Variants in GC observed in about 807,000 individuals in gnomAD.
GC encodes the protein vitamin D-binding protein.
GC carries 43 observed loss-of-function variants against 56.7 expected under a neutral mutation model. The observed-to-expected ratio is 0.76, with a 90% CI of 0.59 to 0.98. The LOEUF is 0.98. Ranked by LOEUF, GC falls within the 50% of genes least tolerant of loss-of-function variation. The pLI, the probability that GC is intolerant of heterozygous loss-of-function variation, is 0.00. For synonymous variants in GC, 216 were observed against 202.7 expected (o/e 1.07, Z -0.56); for missense variants, 529 against 545.9 (o/e 0.97, Z 0.31).
intron 12 of GC, among the ~76,000 whole-genome samples, chr4:71,744,122 G>T (rs73827381): frequency 0.1 from 15,161 of 151,850 alleles, 1,936 homozygotes; most frequent in African/African-American, 0.3. Flanking sequence ...GACAAACCAA[G>T]TTTATCTCTT....
chr4:71,756,964 A>T, intron 7 of GC, 50 bp from the exon 8 acceptor site: 1 of 1,250,344 alleles, frequency 8.0e-7, no homozygotes, highest in African/African-American at 1.5e-5. Context: ...TGATAGTCTA[A>T]TTAAAAATAA....
chr4:71,757,029 ACT>A (rs1741801347), intron 7 of GC, 115 bp from the exon 8 acceptor site: 5 of 683,212 alleles, frequency 7.3e-6, no homozygotes, highest in Admixed American at 5.3e-5. Flanking sequence ...CAGTATGAAG[ACT>A]CTCAGAAAGA....
chr4:71,746,788 A>C (rs1315043553), intron 11 of GC, among the ~76,000 whole-genome samples: 2 of 151,414 alleles, frequency 1.3e-5, no homozygotes, highest in Non-Finnish European at 2.9e-5. Flanking sequence ...AAAAAAAAAA[A>C]AAAAAAACTA....
Position 71,756,801 on chromosome 4 carries a change from C to T in GC, c.945G>A (p.Met315Ile), listed in dbSNP as rs777298761. The T allele has an allele frequency of 6.2e-7, 1 of 1,613,614 alleles. No individual in the cohort carries two copies. Among genetic ancestry groups the T allele is most frequent in the Non-Finnish European group, 8.5e-7 (1 of 1,179,580 alleles). Residue 315 changes from methionine to isoleucine, a missense_variant, in exon 8 of 13, where the codon ATG becomes ATA. Coordinates refer to ENST00000273951, the MANE Select transcript of GC (RefSeq NM_000583.4). ...GAAGCTCGGGGAGTTGGGCAGCTGG[C>T]ATGAAGTAAGTGCACACAAAAACGT... is the stretch of plus-strand genomic sequence containing the variant. ...AMDVFVCTYF[M>I]PAAQLPELPD...
rs369864745 is a variant in GC, at chr4:71,763,822, A to T, written c.588T>A (p.Thr196=). Residue 196 remains threonine (T), a synonymous_variant, in exon 5 of 13, where the codon ACT becomes ACA. Transcript: ENST00000273951. ...GACATACCTCTTTCAAAAAGCATAC[A>T]GTTGGGCTTGCAGAGGTACAGCAGG... ...VGSCCTSASP[T]VCFLKERLQL... 6.8e-6 allele frequency: 11 copies of T among 1,613,198 alleles called. No homozygotes were observed. Among genetic ancestry groups the T allele is most frequent in the African/African-American group, 2.7e-5 (2 of 74,910 alleles).
In GC at chr4:71,749,756, G is replaced by A. The variant is rs548440938; in HGVS notation, c.1395+2762C>T. Among the ~76,000 whole-genome samples, 3 of 152,246 alleles carry A rather than the reference G, an allele frequency of 2.0e-5. No homozygotes were observed. In the East Asian group the frequency reaches 5.8e-4, roughly 29 times the overall value. On this transcript the variant is annotated intron_variant, in intron 11 of 12. Coordinates refer to ENST00000273951, the MANE Select transcript of GC (RefSeq NM_000583.4). ...ATCCAGCTTCTTCTGTTTTTATGTT[G>A]AGAATCTTAAGTAGTTTGAATTTTA...
chr4:71,780,713 A>G (rs1311527791), intron 1 of GC, among the ~76,000 whole-genome samples: 3 of 152,166 alleles, frequency 2.0e-5, no homozygotes, highest in Admixed American at 6.6e-5. Flanking sequence ...TAGAATGGCA[A>G]TCATTAAAAA....
Position 71,765,541 on chromosome 4 carries a change from A to G in GC, c.364T>C (p.Cys122Arg). The G allele has an allele frequency of 1.2e-6, 2 of 1,613,858 alleles. No individual in the cohort carries two copies. The highest frequency in any genetic ancestry group is 1.1e-5 in the South Asian group (1 of 91,062). ...CTKEGLERKLCMAALKHQPQE... is the reference protein window; with the variant it reads ...CTKEGLERKLRMAALKHQPQE... ...GGCTGGTGTTTCAGAGCAGCCATGC[A>G]GAGCTTTCGTTCCAGGCCCTCTTTG... The change falls in exon 4 of 13, where the codon TGC becomes CGC. Residue 122 changes from cysteine (C) to arginine (R), a missense_variant. By Grantham distance (180) the Cys-to-Arg change is radical. Transcript: ENST00000273951.
At chr4:71,775,296 C>G (rs1389257069) in intron 1 of GC, among the ~76,000 whole-genome samples, 1 of 151,866 alleles carries the variant, frequency 6.6e-6, no homozygotes, top group Non-Finnish European at 1.5e-5. Flanking sequence ...ATGCCTGGCA[C>G]AATTCTGGAC....
intron 1 of GC, among the ~76,000 whole-genome samples, chr4:71,799,764 C>T (rs571305825): frequency 6.6e-6 from 1 of 152,102 alleles, no homozygotes; most frequent in Admixed American, 6.5e-5. Context: ...TCATTTACAA[C>T]AAAAAAGCAG....
At chr4:71,756,982 A>G in intron 7 of GC, 68 bp from the exon 8 acceptor site, 1 of 1,048,916 alleles carries the variant, frequency 9.5e-7, no homozygotes, top group Non-Finnish European at 1.5e-6. Context: ...TAAGAATTAC[A>G]TAGGCTTACA....
rs543431801 is a variant in GC, at chr4:71,760,625, A to C, written c.702-2454T>G. On this transcript the variant is annotated intron_variant, in intron 6 of 12. Transcript: ENST00000273951. The stretch of plus-strand genomic sequence containing the variant: ...AATATAAGGTTGATATGGTTTGGCT[A>C]TGTCCCCACACAAATCTCATCTTCA... 1.7e-4 allele frequency among the ~76,000 whole-genome samples: 26 copies of C among 152,346 alleles called. No homozygotes were observed. In the South Asian group the frequency reaches 5.2e-3, roughly 30 times the overall value.
chr4:71,755,405 C>T (rs1284859227), intron 8 of GC, among the ~76,000 whole-genome samples: 2 of 151,936 alleles, frequency 1.3e-5, no homozygotes, highest in African/African-American at 2.4e-5. Flanking sequence ...TCAAGTGATT[C>T]GCCTGACTCG....
intron 1 of GC, among the ~76,000 whole-genome samples, chr4:71,782,046 A>G (rs866354213): frequency 2.6e-5 from 4 of 151,776 alleles, no homozygotes; most frequent in Admixed American, 6.6e-5. Flanking sequence ...AAAGGCATGA[A>G]TTGTGAAACC....
At chr4:71,804,715 A>T (rs2365085), upstream of GC, among the ~76,000 whole-genome samples, 146,314 of 151,690 alleles carry the variant, frequency 0.96, 70,713 homozygotes, top group East Asian at 1. Flanking sequence ...GTCGAAAGTA[A>T]TGGGTTCATA....
chr4:71,787,558 G>C (rs532803240), upstream of GC, among the ~76,000 whole-genome samples: 1 of 151,960 alleles, frequency 6.6e-6, no homozygotes, highest in South Asian at 2.1e-4. Flanking sequence ...GACCTTCTTA[G>C]TCTAGCTGGG....
At chr4:71,794,363 A>G (rs1005897300) in intron 1 of GC, among the ~76,000 whole-genome samples, 1 of 152,074 alleles carries the variant, frequency 6.6e-6, no homozygotes, top group Non-Finnish European at 1.5e-5. Flanking sequence ...AGAGATTCAA[A>G]TTCTTCCTGG....
At chr4:71,780,541 A>AC (rs1381400904) in intron 1 of GC, among the ~76,000 whole-genome samples, 1 of 152,104 alleles carries the variant, frequency 6.6e-6, no homozygotes, top group African/African-American at 2.4e-5. Context: ...TTATAAGAAA[A>AC]AAACAAACAA....
At chr4:71,764,069 C>T (rs958952937) in intron 4 of GC, 133 bp from the exon 5 acceptor site, 17 of 651,172 alleles carry the variant, frequency 2.6e-5, no homozygotes, top group Admixed American at 1.0e-4. Flanking sequence ...GCAGTCTCAA[C>T]CTCCTGGCCT....
Sources: gnomAD v4.1 joint callset for allele counts (sites outside exome capture counted in the v4.1 genomes callset) on GRCh38, gnomAD v4.1.1 for gene constraint, MANE v1.5 for transcripts, NCBI Gene and HGNC (gene_info 2026-07-23, HGNC 2026-07-21) for gene names.